Variants in RAC2 observed in about 807,000 individuals in gnomAD.
RAC2 encodes the protein ras-related C3 botulinum toxin substrate 2.
RAC2 carries 1 observed loss-of-function variant against 24.0 expected under a neutral mutation model. The observed-to-expected ratio is 0.04, with a 90% CI of 0.01 to 0.20. The LOEUF is 0.20. Ranked by LOEUF, RAC2 falls within the 10% of genes least tolerant of loss-of-function variation. The pLI is 1.00. For missense variants in RAC2, 130 were observed against 259.1 expected (o/e 0.50, Z 3.42); for synonymous variants, 114 against 106.8 (o/e 1.07, Z -0.41).
intron 2 of RAC2, chr22:37,241,172 G>A: frequency 1.3e-6 from 1 of 778,318 alleles, no homozygotes; most frequent in East Asian, 2.4e-5. Flanking sequence ...CAGGCCTGCA[G>A]ACAGCTCTGT....
intron 2 of RAC2, among the ~76,000 whole-genome samples, chr22:37,234,824 C>T (rs1482196934): frequency 2.0e-5 from 3 of 152,218 alleles, no homozygotes; most frequent in South Asian, 2.1e-4. Context: ...CTGGAATACG[C>T]TTCCAGCCCC....
chr22:37,239,872 TCCC>T (rs2145830040), intron 2 of RAC2, among the ~76,000 whole-genome samples: 1 of 152,212 alleles, frequency 6.6e-6, no homozygotes, highest in South Asian at 2.1e-4. Flanking sequence ...CAGCCAGCCC[TCCC>T]TTGGCACTTA....
chr22:37,237,240 G>A (rs926293298), intron 2 of RAC2, among the ~76,000 whole-genome samples: 2 of 150,180 alleles, frequency 1.3e-5, no homozygotes, highest in Non-Finnish European at 3.0e-5. Context: ...AGGGAAGGAG[G>A]GAGGGAGGGA....
chr22:37,242,715 GGGGCAGGCGA>G (rs1927442323), intron 1 of RAC2, among the ~76,000 whole-genome samples: 1 of 152,276 alleles, frequency 6.6e-6, no homozygotes, highest in Admixed American at 6.5e-5. Context: ...GAACAGGGCT[GGGGCAGGCGA>G]GGGCAGATAA....
Position 37,236,416 on chromosome 22 carries a change from A to G in RAC2, c.108-3498T>C, listed in dbSNP as rs537429964. ...GACCACCATGGGCAACCCTCACCCC[A>G]TTTTCCGGATGAAGAAATTGAGGCT... On this transcript the variant is annotated intron_variant, in intron 2 of 6. Coordinates refer to ENST00000249071, the MANE Select transcript of RAC2 (RefSeq NM_002872.5). Among the ~76,000 whole-genome samples the G allele has an allele frequency of 1.4e-4, 22 of 152,240 alleles. No individual in the cohort carries two copies. The East Asian group carries it at 2.9e-3, about 20-fold the overall frequency.
chr22:37,226,732 G>C lies in RAC2; in HGVS notation c.520C>G (p.Arg174Gly), dbSNP rs1926846479. Residue 174 changes from arginine (R) to glycine (G), a missense_variant, in exon 6 of 7, where the codon CGG becomes GGG. Arg to Gly is a moderately radical substitution (Grantham distance 125). Coordinates refer to ENST00000249071, the MANE Select transcript of RAC2 (RefSeq NM_002872.5). The part of the protein sequence containing the change: ...GLKTVFDEAI[R>G]AVLCPQPTRQ... Reference sequence around the variant, plus strand: ...GTGGGCTGAGGGCACAGCACGGCCCGGATGGCCTCGTCGAACACGGTTTTC... The same window carrying C: ...GTGGGCTGAGGGCACAGCACGGCCCCGATGGCCTCGTCGAACACGGTTTTC... 6.2e-7 allele frequency: 1 copy of C among 1,613,014 alleles called. No homozygotes were observed. The highest frequency in any genetic ancestry group is 1.7e-5 in the Admixed American group (1 of 59,946).
In RAC2 at chr22:37,231,486, G is replaced by A; in HGVS notation, c.289-96C>T. On this transcript the variant is annotated intron_variant, in intron 4 of 6. Coordinates refer to ENST00000249071, the MANE Select transcript of RAC2 (RefSeq NM_002872.5). This position sits in a 1 kb window ranked among gnomAD's most constrained non-coding sequence, Gnocchi z 5.5. ...AGGGAGTGTGAGGGTGTAGGGAGAG[G>A]AGAGGCAGCAAGTTGCCAGAAGATC... 1 of 1,228,058 alleles carries A rather than the reference G, an allele frequency of 8.1e-7. No homozygotes were observed. Among genetic ancestry groups the A allele is most frequent in the Non-Finnish European group, 1.2e-6 (1 of 850,806 alleles). 76.1% of individuals were successfully genotyped at this position (1,228,058 alleles called of 1,614,324 possible).
chr22:37,243,804 C>A (rs756656516), intron 1 of RAC2, among the ~76,000 whole-genome samples: 2 of 152,238 alleles, frequency 1.3e-5, no homozygotes, highest in Non-Finnish European at 2.9e-5. Context: ...AAGACTGAGG[C>A]TTGCCTCCGT....
At chr22:37,228,125 G>A (rs575074037) in intron 5 of RAC2, among the ~76,000 whole-genome samples, 8 of 152,264 alleles carry the variant, frequency 5.3e-5, no homozygotes, top group South Asian at 2.1e-4. Flanking sequence ...CCTTAGCACC[G>A]TCCCTGTCTT....
In RAC2 at chr22:37,226,772, G is replaced by T; in HGVS notation, c.480C>A (p.Leu160=). Reference sequence around the variant, plus strand: ...ACACGGTTTTCAGGCCTCTCTGGGTGAGAGCTGAGCACTCCAGGTATTTCA... The same window carrying T: ...ACACGGTTTTCAGGCCTCTCTGGGTTAGAGCTGAGCACTCCAGGTATTTCA... ...DSVKYLECSA[L]TQRGLKTVFD... is the part of the protein sequence containing the mutation. The change falls in exon 6 of 7, where the codon CTC becomes CTA. Residue 160 remains leucine (L), a synonymous_variant. Transcript: ENST00000249071. 7 of 1,613,154 alleles carry T rather than the reference G, an allele frequency of 4.3e-6. No individual in the cohort carries two copies. Among genetic ancestry groups the T allele is most frequent in the Non-Finnish European group, 5.9e-6 (7 of 1,179,542 alleles).
intron 2 of RAC2, chr22:37,241,133 C>T (rs761393334): frequency 1.9e-5 from 15 of 778,498 alleles, no homozygotes; most frequent in African/African-American, 1.7e-4. Flanking sequence ...GCCCTGCCTC[C>T]GCATCCTGCA....
At chr22:37,230,132 C>A (rs1156305648) in intron 5 of RAC2, among the ~76,000 whole-genome samples, 1 of 152,048 alleles carries the variant, frequency 6.6e-6, no homozygotes, top group Non-Finnish European at 1.5e-5. Context: ...AGGGTGTGAG[C>A]CATAGTCTGA....
chr22:37,226,559 A>G, intron 6 of RAC2, 112 bp downstream of exon 6: 2 of 1,414,414 alleles, frequency 1.4e-6, no homozygotes, highest in East Asian at 2.5e-5. Context: ...CAACCTCCAT[A>G]CCCACCTTCT....
At chr22:37,234,035 C>G (rs1019663436) in intron 2 of RAC2, among the ~76,000 whole-genome samples, 7 of 152,216 alleles carry the variant, frequency 4.6e-5, no homozygotes, top group Non-Finnish European at 1.0e-4. Flanking sequence ...GACCTTGACT[C>G]CCAATGTCTC....
chr22:37,235,129 C>T (rs1927186616), intron 2 of RAC2, among the ~76,000 whole-genome samples: 2 of 152,140 alleles, frequency 1.3e-5, no homozygotes, highest in Admixed American at 6.5e-5. Flanking sequence ...GAGAACGCTA[C>T]TCAATGTTAG....
rs747196476 is a variant in RAC2 at position 37,232,855 on chromosome 22, G to A, written c.171C>T (p.Asp57=). ...GGTCGTAGTCCTCCTGCCCAGCAGT[G>A]TCCCACAGCCCCAGGTTCACTGGCT... The part of the protein sequence containing the change: ...DSKPVNLGLW[D]TAGQEDYDRL... The change falls in exon 3 of 7, where the codon GAC becomes GAT. Residue 57 remains aspartate, a synonymous_variant. Transcript: ENST00000249071. 4 of 1,614,010 alleles carry A rather than the reference G, an allele frequency of 2.5e-6. No homozygotes were observed. In the African/African-American group the frequency reaches 5.3e-5, roughly 22 times the overall value.
At chr22:37,240,833 GGA>G (rs1266210910) in intron 2 of RAC2, 1 of 592,654 alleles carries the variant, frequency 1.7e-6, no homozygotes, top group Non-Finnish European at 3.1e-6. Context: ...AGCACTATGG[GGA>G]GAGAGAACAG....
At chr22:37,238,142 C>T (rs1008598550) in intron 2 of RAC2, among the ~76,000 whole-genome samples, 5 of 152,004 alleles carry the variant, frequency 3.3e-5, no homozygotes, top group South Asian at 2.1e-4. Context: ...CTGTTGTTCA[C>T]GGTTTGCGCA....
intron 2 of RAC2, chr22:37,240,908 G>T: frequency 1.5e-6 from 1 of 660,204 alleles, no homozygotes. Context: ...AGGGTCCGGA[G>T]GAGGCAGAGT....
Sources: gnomAD v4.1 joint callset for allele counts (sites outside exome capture counted in the v4.1 genomes callset) on GRCh38, gnomAD v4.1.1 for gene constraint, Gnocchi (gnomAD v3.1) non-coding constraint, MANE v1.5 for transcripts, NCBI Gene and HGNC (gene_info 2026-07-23, HGNC 2026-07-21) for gene names.